MACROD2: variants seen among roughly 807,000 people sequenced by gnomAD.
The protein encoded by MACROD2 is mono-ADP ribosylhydrolase 2.
In MACROD2, 36 loss-of-function variants were observed where a neutral mutation model predicts 70.4. The observed-to-expected ratio is 0.51, with a 90% CI of 0.39 to 0.68. The LOEUF is 0.68. MACROD2 is among the 30% of genes least tolerant of loss of function. The pLI is 0.00. For missense variants in MACROD2, 496 were observed against 538.4 expected (o/e 0.92, Z 0.78); for synonymous variants, 172 against 178.8 (o/e 0.96, Z 0.30).
intron 8 of MACROD2, among the ~76,000 whole-genome samples, chr20:15,527,416 T>C (rs1166861422): frequency 6.6e-6 from 1 of 152,206 alleles, no homozygotes; most frequent in Non-Finnish European, 1.5e-5. Flanking sequence ...AGCATCCGTG[T>C]TGAATGTTTG....
intron 4 of MACROD2, among the ~76,000 whole-genome samples, chr20:14,680,543 C>A (rs571507909): frequency 6.6e-6 from 1 of 152,094 alleles, no homozygotes; most frequent in East Asian, 1.9e-4. Context: ...CCTGCTAGAA[C>A]AAACTTCTAA....
chr20:15,962,206 C>T (rs1420489812), intron 12 of MACROD2, among the ~76,000 whole-genome samples: 7 of 152,144 alleles, frequency 4.6e-5, no homozygotes, highest in South Asian at 2.1e-4. Context: ...TCAGTGAGAA[C>T]GGTCCAACTC....
At chr20:15,657,755 G>A (rs2049753256) in intron 8 of MACROD2, among the ~76,000 whole-genome samples, 1 of 152,168 alleles carries the variant, frequency 6.6e-6, no homozygotes, top group African/African-American at 2.4e-5. Context: ...CACTTTGGGA[G>A]GCCAAGGCAG....
At chr20:15,212,773 C>A (rs1042540346) in intron 5 of MACROD2, among the ~76,000 whole-genome samples, 1 of 152,186 alleles carries the variant, frequency 6.6e-6, no homozygotes, top group Non-Finnish European at 1.5e-5. Flanking sequence ...CTACATTTGA[C>A]ATTTTGAGTC....
At chr20:14,494,566 TG>T (rs1383067248) in intron 4 of MACROD2, among the ~76,000 whole-genome samples, 2 of 152,142 alleles carry the variant, frequency 1.3e-5, no homozygotes, top group Non-Finnish European at 2.9e-5. Context: ...ACTTACTGTG[TG>T]GAGACCAGGA....
At chr20:14,607,863 A>T (rs1047823226) in intron 4 of MACROD2, among the ~76,000 whole-genome samples, 4 of 152,182 alleles carry the variant, frequency 2.6e-5, no homozygotes, top group African/African-American at 9.6e-5. Context: ...AAAGAGAAGA[A>T]AAGGAAGGAC....
At chr20:15,808,813 C>T (rs2063792441) in intron 8 of MACROD2, among the ~76,000 whole-genome samples, 1 of 152,150 alleles carries the variant, frequency 6.6e-6, no homozygotes, top group Non-Finnish European at 1.5e-5. Context: ...ATTCCAATAT[C>T]CCTACCCTAA....
chr20:14,882,327 G>T (rs568147086), intron 5 of MACROD2, among the ~76,000 whole-genome samples: 1 of 152,078 alleles, frequency 6.6e-6, no homozygotes, highest in Admixed American at 6.6e-5. Flanking sequence ...TTTTATCATC[G>T]CAGTGTTTGA....
At chr20:15,336,927 C>G (rs957867298) in intron 6 of MACROD2, among the ~76,000 whole-genome samples, 5 of 151,640 alleles carry the variant, frequency 3.3e-5, no homozygotes, top group Non-Finnish European at 5.9e-5. Context: ...GTTTAAGGAG[C>G]TAAACACAAC....
intron 7 of MACROD2, among the ~76,000 whole-genome samples, chr20:15,495,510 C>T (rs1479693140): frequency 6.6e-6 from 1 of 152,198 alleles, no homozygotes; most frequent in Admixed American, 6.5e-5. Flanking sequence ...AGTACCTTCT[C>T]AGCATCCCTT....
intron 5 of MACROD2, among the ~76,000 whole-genome samples, chr20:15,065,829 G>A (rs974409131): frequency 5.9e-5 from 9 of 152,156 alleles, no homozygotes; most frequent in Admixed American, 3.9e-4. Flanking sequence ...ATGTATTCCA[G>A]GGAAGAAAGT....
At chr20:14,413,772 G>A (rs563011527) in intron 3 of MACROD2, among the ~76,000 whole-genome samples, 1 of 152,206 alleles carries the variant, frequency 6.6e-6, no homozygotes, top group East Asian at 1.9e-4. Context: ...TGTACCATGT[G>A]ATGAAAACTT....
chr20:15,347,120 G>A (rs1313972912), intron 6 of MACROD2, among the ~76,000 whole-genome samples: 1 of 152,158 alleles, frequency 6.6e-6, no homozygotes, highest in Admixed American at 6.6e-5. Context: ...AAGGCTACAG[G>A]TAATTTGGAA....
At chr20:14,176,036 G>A (rs188104168) in intron 3 of MACROD2, among the ~76,000 whole-genome samples, 3 of 152,282 alleles carry the variant, frequency 2.0e-5, no homozygotes, top group Non-Finnish European at 1.5e-5. Context: ...CCAGCGATAT[G>A]TCTCCTGTAA....
intron 3 of MACROD2, among the ~76,000 whole-genome samples, chr20:14,146,955 G>T (rs1162464253): frequency 6.6e-6 from 1 of 152,166 alleles, no homozygotes; most frequent in Admixed American, 6.5e-5. Flanking sequence ...GCTTTTGTAT[G>T]TATATAGTAA....
intron 8 of MACROD2, among the ~76,000 whole-genome samples, chr20:15,654,944 A>G (rs1189434993): frequency 2.0e-5 from 3 of 152,292 alleles, no homozygotes; most frequent in Middle Eastern, 6.8e-3. Flanking sequence ...GTGATTCTAC[A>G]GCTGGAGAGA....
chr20:14,718,292 C>CA (rs11358439), intron 5 of MACROD2, among the ~76,000 whole-genome samples: 554 of 54,650 alleles, frequency 0.01, 81 homozygotes, highest in African/African-American at 0.033. Context: ...GACTCTGTCT[C>CA]AAAAAAAAAA....
intron 4 of MACROD2, among the ~76,000 whole-genome samples, chr20:14,503,744 T>C (rs527555404): frequency 1.1e-3 from 170 of 152,362 alleles, no homozygotes; most frequent in African/African-American, 3.9e-3. Flanking sequence ...TGCAACTTCC[T>C]AGATGCTGAA....
rs796982683 is a variant in MACROD2 at position 14,611,455 on chromosome 20, T to TG, written c.302-73388_302-73387insG. Among the ~76,000 whole-genome samples the TG allele has an allele frequency of 6.4e-3, 960 of 149,382 alleles. 12 individuals are homozygous for TG. The highest frequency in any genetic ancestry group is 0.012 in the Admixed American group (173 of 14,938). On this transcript the variant is annotated intron_variant, in intron 4 of 17. Coordinates refer to ENST00000684519, the MANE Select transcript of MACROD2 (RefSeq NM_001351661.2). ...CAGAGATCAGCAATGCCCTGAGGTT[T>TG]TTTTTTTTTTTTTTTTTGGCGGGGG...
Sources: gnomAD v4.1 joint callset for allele counts (sites outside exome capture counted in the v4.1 genomes callset) on GRCh38, gnomAD v4.1.1 for gene constraint, MANE v1.5 for transcripts, NCBI Gene and HGNC (gene_info 2026-07-23, HGNC 2026-07-21) for gene names.